Variants in KHDRBS2 observed in about 807,000 individuals in gnomAD.
The protein encoded by KHDRBS2 is KH domain-containing, RNA-binding, signal transduction-associated protein 2.
In KHDRBS2, 26 loss-of-function variants were observed where a neutral mutation model predicts 44.3. The observed-to-expected ratio is 0.59, with a 90% confidence interval of 0.43 to 0.81. The LOEUF (loss-of-function observed/expected upper bound fraction) is 0.81, where lower values mean the gene tolerates loss of function less well. Ranked by LOEUF, KHDRBS2 falls within the 40% of genes least tolerant of loss-of-function variation. KHDRBS2 has a pLI of 0.00. For missense variants in KHDRBS2, 476 were observed against 433.1 expected (o/e 1.10, Z -0.88); for synonymous variants, 194 against 151.1 (o/e 1.28, Z -2.08).
chr6:61,819,386 G>A (rs1789509466), intron 6 of KHDRBS2, among the ~76,000 whole-genome samples: 2 of 152,004 alleles, frequency 1.3e-5, no homozygotes, highest in Non-Finnish European at 2.9e-5. Context: ...AAATGTTGGA[G>A]CTTACTTTGT....
chr6:61,848,505 ATATATG>A lies in KHDRBS2; in HGVS notation c.810+46124_810+46129del, dbSNP rs1469007008. On this transcript the variant is annotated intron_variant, in intron 6 of 8. Coordinates refer to ENST00000281156, the MANE Select transcript of KHDRBS2 (RefSeq NM_152688.4). Reference sequence around the variant, plus strand: ...TATATATATATGTATATATATATATATATATGTATATATGTATATATATATACATAT... The same window carrying A: ...TATATATATATGTATATATATATATATATATATGTATATATATATACATAT... 1.2e-3 allele frequency among the ~76,000 whole-genome samples: 72 copies of A among 57,660 alleles called. 1 individual carries two copies. The highest frequency in any genetic ancestry group is 5.2e-3 in the East Asian group (13 of 2,482). The allele number at this position is 57,660 out of a possible 152,430, so 37.8% of individuals were successfully genotyped here. A position where few individuals can be genotyped will look rare whatever the true frequency, so the allele number is the denominator to read the frequency against.
intron 6 of KHDRBS2, among the ~76,000 whole-genome samples, chr6:61,743,379 A>G (rs1373961552): frequency 6.6e-6 from 1 of 152,182 alleles, no homozygotes; most frequent in African/African-American, 2.4e-5. Context: ...CTTGGCTACA[A>G]TGTAAACTCA....
At chr6:61,609,799 G>C in the KHDRBS2 span, among the ~76,000 whole-genome samples, 1 of 152,182 alleles carries the variant, frequency 6.6e-6, no homozygotes, top group Non-Finnish European at 1.5e-5. Context: ...GCAGTGAGAG[G>C]GGAGTGAATA....
At chr6:62,175,993 C>A (rs1467027703) in intron 2 of KHDRBS2, among the ~76,000 whole-genome samples, 6 of 151,276 alleles carry the variant, frequency 4.0e-5, no homozygotes, top group African/African-American at 1.5e-4. Context: ...GAAACATCAT[C>A]AAGTTATACC....
intron 3 of KHDRBS2, among the ~76,000 whole-genome samples, chr6:62,043,972 T>A (rs1170379737): frequency 6.6e-6 from 1 of 152,092 alleles, no homozygotes; most frequent in Non-Finnish European, 1.5e-5. Context: ...GTCAATATGT[T>A]TAATTAAGTA....
intron 3 of KHDRBS2, among the ~76,000 whole-genome samples, chr6:62,033,687 G>T (rs992362222): frequency 6.7e-6 from 1 of 150,310 alleles, no homozygotes; most frequent in East Asian, 2.0e-4. Context: ...TATTATATAT[G>T]CCATATATAT....
chr6:62,106,224 T>C (rs1468064573), intron 2 of KHDRBS2, among the ~76,000 whole-genome samples: 1 of 152,106 alleles, frequency 6.6e-6, no homozygotes, highest in East Asian at 1.9e-4. Flanking sequence ...GGAATAGGTG[T>C]GGTGTGATGC....
At chr6:62,188,626 T>C (rs1823947686) in intron 1 of KHDRBS2, among the ~76,000 whole-genome samples, 1 of 152,000 alleles carries the variant, frequency 6.6e-6, no homozygotes, top group Admixed American at 6.6e-5. Context: ...AGATCTGGGG[T>C]AGAGTTTTCA....
chr6:61,927,932 T>C (rs1809276273), intron 4 of KHDRBS2, among the ~76,000 whole-genome samples: 1 of 152,148 alleles, frequency 6.6e-6, no homozygotes, highest in African/African-American at 2.4e-5. Flanking sequence ...TTGGAATCTG[T>C]TATGCAGATA....
intron 4 of KHDRBS2, among the ~76,000 whole-genome samples, chr6:61,919,921 C>CT (rs66475279): frequency 6.6e-6 from 1 of 151,640 alleles, no homozygotes; most frequent in Non-Finnish European, 1.5e-5. Context: ...CTTTAGTACT[C>CT]TTTTTTTCCT....
the KHDRBS2 span, among the ~76,000 whole-genome samples, chr6:61,623,947 T>A: frequency 6.6e-6 from 1 of 152,194 alleles, no homozygotes; most frequent in Non-Finnish European, 1.5e-5. Flanking sequence ...CACCTGGTTA[T>A]CTACTTTGTA....
intron 6 of KHDRBS2, among the ~76,000 whole-genome samples, chr6:61,770,681 C>T (rs1780734523): frequency 6.6e-6 from 1 of 152,080 alleles, no homozygotes; most frequent in South Asian, 2.1e-4. Context: ...AAATATGGGA[C>T]TATGTGAAAA....
chr6:61,883,335 G>A (rs757066920), intron 6 of KHDRBS2, among the ~76,000 whole-genome samples: 24 of 152,008 alleles, frequency 1.6e-4, no homozygotes, highest in Non-Finnish European at 2.4e-4. Flanking sequence ...CTCCAACAGA[G>A]CCTAGAGGAA....
the KHDRBS2 span, among the ~76,000 whole-genome samples, chr6:61,570,095 T>C: frequency 1.3e-5 from 2 of 151,986 alleles, no homozygotes; most frequent in African/African-American, 4.8e-5. Flanking sequence ...TAGTTCTAGA[T>C]AAAGAATTCA....
chr6:61,805,120 A>T (rs555415502), intron 6 of KHDRBS2, among the ~76,000 whole-genome samples: 2 of 152,204 alleles, frequency 1.3e-5, no homozygotes, highest in Non-Finnish European at 2.9e-5. Flanking sequence ...GAATGCTTTT[A>T]ACAGCACCCA....
intron 3 of KHDRBS2, among the ~76,000 whole-genome samples, chr6:62,023,373 T>C (rs1415151793): frequency 6.6e-6 from 1 of 151,656 alleles, no homozygotes. Context: ...ACTTCATTAA[T>C]GTTGGTTTTC....
intron 6 of KHDRBS2, among the ~76,000 whole-genome samples, chr6:61,799,647 C>G (rs1785944362): frequency 6.6e-6 from 1 of 151,922 alleles, no homozygotes; most frequent in Non-Finnish European, 1.5e-5. Flanking sequence ...ACTACCCTGA[C>G]CCTTATTCTC....
rs533736043 is a variant in KHDRBS2 at position 61,894,703 on chromosome 6, G to A, written c.742C>T (p.Arg248Trp). The change falls in exon 6 of 9, where the codon CGG becomes TGG. Residue 248 changes from arginine (R) to tryptophan (W), a missense_variant. By Grantham distance (101) the Arg-to-Trp change is moderately radical. Coordinates refer to ENST00000281156, the MANE Select transcript of KHDRBS2 (RefSeq NM_152688.4). The stretch of plus-strand genomic sequence containing the variant: ...TATCCTGGCACTGTTGGTGCCCCCC[G>A]GGCTCGAGGGGTAGGGACACCTCTT... ...VARGVPTPRA[R>W]GAPTVPGYRA... is the part of the protein sequence containing the mutation. The A allele has an allele frequency of 3.7e-5, 59 of 1,613,410 alleles. No individual in the cohort carries two copies. The highest frequency in any genetic ancestry group is 1.7e-4 in the Middle Eastern group (1 of 6,058).
At chr6:61,628,488 C>T in the KHDRBS2 span, among the ~76,000 whole-genome samples, 2 of 152,124 alleles carry the variant, frequency 1.3e-5, no homozygotes, top group Non-Finnish European at 2.9e-5. Flanking sequence ...CTACGTACCT[C>T]TTCAACCTTA....
Sources: gnomAD v4.1 joint callset for allele counts (sites outside exome capture counted in the v4.1 genomes callset) on GRCh38, gnomAD v4.1.1 for gene constraint, MANE v1.5 for transcripts, NCBI Gene and HGNC (gene_info 2026-07-23, HGNC 2026-07-21) for gene names.